Variants in PML observed in about 807,000 individuals in gnomAD.
The protein encoded by PML is PML nuclear body scaffold.
A neutral mutation model predicts 65.2 loss-of-function variants in PML; 28 were observed. The observed-to-expected ratio is 0.43, with a 90% CI of 0.32 to 0.59. PML has a LOEUF of 0.59. PML is among the 20% of genes least tolerant of loss of function. PML has a pLI of 0.08. For missense variants in PML, 1,021 were observed against 1,203.4 expected (o/e 0.85, Z 2.24); for synonymous variants, 500 against 508.8 (o/e 0.98, Z 0.23).
chr15:74,028,602 C>T (rs1368326311), intron 4 of PML, among the ~76,000 whole-genome samples: 1 of 152,178 alleles, frequency 6.6e-6, no homozygotes, highest in African/African-American at 2.4e-5. Context: ...CCACCCGTTC[C>T]AGAAGGATTT....
At chr15:73,999,560 T>G (rs963334300) in intron 2 of PML, among the ~76,000 whole-genome samples, 6 of 152,186 alleles carry the variant, frequency 3.9e-5, no homozygotes, top group Non-Finnish European at 8.8e-5. Context: ...GCTTTCCACT[T>G]GTTTATTGGC....
chr15:74,026,026 G>C (rs2071056992), intron 4 of PML: 1 of 152,350 alleles, frequency 6.6e-6, no homozygotes, highest in Admixed American at 6.5e-5. Flanking sequence ...AAGAGTCTCA[G>C]AGTTTTAGAG....
intron 2 of PML, among the ~76,000 whole-genome samples, chr15:74,007,270 GT>G (rs2070106780): frequency 6.6e-6 from 1 of 152,156 alleles, no homozygotes; most frequent in Non-Finnish European, 1.5e-5. Context: ...GCGTCTGTTG[GT>G]TTTCATTTGC....
chr15:74,001,361 T>G (rs1007915324), intron 2 of PML, among the ~76,000 whole-genome samples: 2 of 152,012 alleles, frequency 1.3e-5, no homozygotes, highest in Non-Finnish European at 2.9e-5. Flanking sequence ...TTTTTTTTTT[T>G]TGAGAATCTC....
In PML at chr15:73,998,456, C is replaced by T. The variant is rs367778787; in HGVS notation, c.582C>T (p.His194=). 3.7e-6 allele frequency: 6 copies of T among 1,613,930 alleles called. No individual in the cohort carries two copies. In the African/African-American group the frequency reaches 5.3e-5, roughly 14 times the overall value. Residue 194 remains histidine, a synonymous_variant, in exon 2 of 9, where the codon CAC becomes CAT. Transcript: ENST00000268058. ...ACATCTTCTGCTCCAACCCCAACCA[C>T]CGCACCCCTACGCTGACCAGGTGAG... ...TNNIFCSNPN[H]RTPTLTSIYC...
At chr15:74,028,999 A>G (rs2071201447) in intron 4 of PML, among the ~76,000 whole-genome samples, 3 of 152,012 alleles carry the variant, frequency 2.0e-5, no homozygotes, top group African/African-American at 7.3e-5. Context: ...GCTTTCAATT[A>G]TTTTGCATGT....
chr15:74,020,505 C>T (rs2070787694), intron 2 of PML, among the ~76,000 whole-genome samples: 1 of 151,882 alleles, frequency 6.6e-6, no homozygotes, highest in East Asian at 1.9e-4. Flanking sequence ...GGGGAACTAA[C>T]AGTATTTTCC....
intron 3 of PML, 37 bp downstream of exon 3, chr15:74,023,445 C>T (rs753927148): frequency 6.7e-7 from 1 of 1,503,644 alleles, no homozygotes; most frequent in Non-Finnish European, 9.1e-7. Flanking sequence ...CGGCCTGTGC[C>T]TCTGCTGCAC....
Position 74,034,467 on chromosome 15 carries a change from C to G in PML, c.1658-11C>G. 2 of 1,614,202 alleles carry G rather than the reference C, an allele frequency of 1.2e-6. No homozygotes were observed. The highest frequency in any genetic ancestry group is 3.3e-4 in the Middle Eastern group (2 of 6,062). On this transcript the variant is annotated splice_polypyrimidine_tract_variant and intron_variant, in intron 6 of 8. Transcript: ENST00000268058. ...GGCAGTTCATAATGCATCTCCCCTT[C>G]CCCGTTTCAGAGGAACGCGTTGTGG...
rs563417544 is a variant in PML, at chr15:74,042,371, A to G, written c.1711-618A>G. On this transcript the variant is annotated intron_variant, in intron 7 of 8. Coordinates refer to ENST00000268058, the MANE Select transcript of PML (RefSeq NM_033238.3). This position sits in a 1 kb window ranked among gnomAD's most constrained non-coding sequence, Gnocchi z 5.3. Reference sequence around the variant, plus strand: ...GCAGTCCTTCCCCTCGCCTTTGTGTAGGACACTGGCACCTCGGCTGACTTC... The same window carrying G: ...GCAGTCCTTCCCCTCGCCTTTGTGTGGGACACTGGCACCTCGGCTGACTTC... The G allele has an allele frequency of 3.2e-5, 32 of 985,462 alleles. No homozygotes were observed. The African/African-American group carries it at 5.2e-4, about 16-fold the overall frequency. 61.0% of individuals were successfully genotyped at this position (985,462 alleles called of 1,614,324 possible).
chr15:74,044,061 A>G (rs1159473760), intron 8 of PML, among the ~76,000 whole-genome samples, 160 bp from the exon 9 acceptor site: 2 of 152,152 alleles, frequency 1.3e-5, no homozygotes, highest in Non-Finnish European at 2.9e-5. Context: ...CACCACAACC[A>G]GGATCAGAGC....
At position 74,033,153 on chromosome 15, in the gene PML, C is replaced by A; in HGVS notation, c.1399-3C>A. ...ACCTGGCTCTGTGACTCCCTCTATG[C>A]AGGATGTCTCCAATACAACGACAGC... On this transcript the variant is annotated splice_polypyrimidine_tract_variant and splice_region_variant and intron_variant, in intron 5 of 8. Transcript: ENST00000268058. 6.2e-7 allele frequency: 1 copy of A among 1,614,020 alleles called. No homozygotes were observed. The highest frequency in any genetic ancestry group is 8.5e-7 in the Non-Finnish European group (1 of 1,179,954).
intron 1 of PML, among the ~76,000 whole-genome samples, chr15:73,995,920 T>A (rs923203225): frequency 6.6e-6 from 1 of 152,044 alleles, no homozygotes; most frequent in African/African-American, 2.4e-5. Context: ...TACCTGGCTA[T>A]TTTTTATATT....
At chr15:74,034,874 A>G in intron 7 of PML, 1 of 1,437,320 alleles carries the variant, frequency 7.0e-7, no homozygotes, top group South Asian at 1.5e-5. Context: ...ACAAGAATCC[A>G]TTCCTTGGTT....
intron 6 of PML, 25 bp downstream of exon 6, chr15:74,033,439 C>T: frequency 1.9e-6 from 3 of 1,611,564 alleles, no homozygotes; most frequent in Non-Finnish European, 2.5e-6. Context: ...AGGGCAGTGG[C>T]CTGGGTGCTG....
At position 73,994,947 on chromosome 15, in the gene PML, A is replaced by C; in HGVS notation, c.129+6A>C. On this transcript the variant is annotated splice_donor_region_variant and intron_variant, in intron 1 of 8. Transcript: ENST00000268058. Reference sequence around the variant, plus strand: ...CCAGCCCCAGCCCTACAGAGGTACTATTGGGTTAGGGGATGATGGGGTTAA... The same window carrying C: ...CCAGCCCCAGCCCTACAGAGGTACTCTTGGGTTAGGGGATGATGGGGTTAA... 1 of 1,536,080 alleles carries C rather than the reference A, an allele frequency of 6.5e-7. No homozygotes were observed. Among genetic ancestry groups the C allele is most frequent in the Non-Finnish European group, 8.8e-7 (1 of 1,139,618 alleles).
rs754603424 is a variant in PML, at chr15:74,044,811, G to T, written c.2452G>T (p.Gly818Trp). 6.2e-7 allele frequency: 1 copy of T among 1,613,212 alleles called. No homozygotes were observed. Among genetic ancestry groups the T allele is most frequent in the Non-Finnish European group, 8.5e-7 (1 of 1,180,044 alleles). The stretch of plus-strand genomic sequence containing the variant: ...GAGTGCACACCGCCGTGACCGGCAG[G>T]GGGGCCTGAAGAAGTACAGCCGCTA... ...LLSAHRRDRQ[G>W]GLKKYSRYLS... The change falls in exon 9 of 9, where the codon GGG becomes TGG. Residue 818 changes from glycine (G) to tryptophan (W), a missense_variant. Transcript: ENST00000268058.
rs895664009 is a variant in PML, at chr15:74,035,891, C to T, written c.1710+1361C>T. 6.2e-7 allele frequency: 1 copy of T among 1,613,776 alleles called. No individual in the cohort carries two copies. On this transcript the variant is annotated intron_variant, in intron 7 of 8. Transcript: ENST00000268058. This position sits in a 1 kb window ranked among gnomAD's most constrained non-coding sequence, Gnocchi z 4.1. ...CCTCTCCAATTACATTCCCACCACC[C>T]TGTGCCCCAGAAAGGCCCCCCATCA...
chr15:74,001,108 C>T (rs2069740662), intron 2 of PML, among the ~76,000 whole-genome samples: 1 of 152,084 alleles, frequency 6.6e-6, no homozygotes, highest in Non-Finnish European at 1.5e-5. Context: ...CTCCTATATG[C>T]CTGTAACTAT....
Sources: gnomAD v4.1 joint callset for allele counts (sites outside exome capture counted in the v4.1 genomes callset) on GRCh38, gnomAD v4.1.1 for gene constraint, Gnocchi (gnomAD v3.1) non-coding constraint, MANE v1.5 for transcripts, NCBI Gene and HGNC (gene_info 2026-07-23, HGNC 2026-07-21) for gene names.